RNGTT: variants seen among roughly 807,000 people sequenced by gnomAD.
The protein encoded by RNGTT is mRNA-capping enzyme.
In RNGTT, 33 loss-of-function variants were observed where a neutral mutation model predicts 79.3. That is an observed-to-expected ratio of 0.42 (90% CI 0.32 to 0.56). The LOEUF is 0.56. Ranked by LOEUF, RNGTT falls within the 20% of genes least tolerant of loss-of-function variation. The pLI, the probability that RNGTT is intolerant of heterozygous loss-of-function variation, is 0.17. For synonymous variants in RNGTT, 222 were observed against 235.9 expected, an observed-to-expected ratio of 0.94 and a Z score of 0.54; for missense variants, 497 against 739.1, an observed-to-expected ratio of 0.67 and a Z score of 3.80.
chr6:88,760,315 CAA>C, intron 13 of RNGTT, among the ~76,000 whole-genome samples: 1 of 152,262 alleles, frequency 6.6e-6, no homozygotes, highest in East Asian at 1.9e-4. Context: ...TACTAATACC[CAA>C]GAGATAACCA....
intron 4 of RNGTT, among the ~76,000 whole-genome samples, chr6:88,925,401 G>A (rs1368597272): frequency 6.6e-6 from 1 of 151,936 alleles, no homozygotes; most frequent in Non-Finnish European, 1.5e-5. Flanking sequence ...GACCAGCCTA[G>A]GCAACATGGT....
intron 14 of RNGTT, among the ~76,000 whole-genome samples, chr6:88,665,963 G>A (rs1264314923): frequency 1.3e-5 from 2 of 152,226 alleles, no homozygotes; most frequent in African/African-American, 2.4e-5. Flanking sequence ...ATCCGACAGC[G>A]GGAGTGCAGC....
intron 13 of RNGTT, among the ~76,000 whole-genome samples, chr6:88,761,607 A>AAACT (rs1200134111): frequency 1.3e-5 from 2 of 152,152 alleles, no homozygotes; most frequent in Non-Finnish European, 2.9e-5. Context: ...GTAAATCCAC[A>AAACT]GTTGGCAAAC....
chr6:88,791,304 A>T (rs1347191229), intron 12 of RNGTT, among the ~76,000 whole-genome samples: 1 of 151,792 alleles, frequency 6.6e-6, no homozygotes, highest in Admixed American at 6.6e-5. Context: ...TGCCTGGCTA[A>T]TTTTTTTCAT....
intron 6 of RNGTT, among the ~76,000 whole-genome samples, chr6:88,900,419 G>C (rs896705141): frequency 2.0e-5 from 3 of 152,126 alleles, no homozygotes; most frequent in Non-Finnish European, 2.9e-5. Context: ...GCTTAATGAG[G>C]ACATTAGTAA....
intron 8 of RNGTT, among the ~76,000 whole-genome samples, chr6:88,862,005 A>C (rs981996831): frequency 6.6e-6 from 1 of 152,194 alleles, no homozygotes; most frequent in African/African-American, 2.4e-5. Context: ...TTCCATAGAA[A>C]TACAATCTAA....
chr6:88,740,362 T>C (rs1777444632), intron 13 of RNGTT, among the ~76,000 whole-genome samples: 1 of 151,312 alleles, frequency 6.6e-6, no homozygotes, highest in Non-Finnish European at 1.5e-5. Context: ...TACAAAAAAT[T>C]AAAAAATTAG....
intron 8 of RNGTT, among the ~76,000 whole-genome samples, chr6:88,859,340 T>C (rs1394638803): frequency 1.3e-5 from 2 of 151,962 alleles, no homozygotes; most frequent in Admixed American, 6.6e-5. Flanking sequence ...GCTGAGAACA[T>C]AGAACAGGAA....
intron 14 of RNGTT, among the ~76,000 whole-genome samples, chr6:88,633,991 T>A (rs1274572738): frequency 6.6e-6 from 1 of 152,132 alleles, no homozygotes; most frequent in Non-Finnish European, 1.5e-5. Context: ...ATTCATCACA[T>A]ACCAATAATT....
intron 13 of RNGTT, among the ~76,000 whole-genome samples, chr6:88,718,259 T>A (rs1187890744): frequency 6.6e-6 from 1 of 151,916 alleles, no homozygotes; most frequent in South Asian, 2.1e-4. Context: ...TAGTGGCACA[T>A]GCCTGTAATC....
intron 13 of RNGTT, among the ~76,000 whole-genome samples, chr6:88,748,752 C>T (rs549623750): frequency 1.3e-5 from 2 of 150,762 alleles, no homozygotes; most frequent in South Asian, 2.1e-4. Flanking sequence ...AGTGAAATGC[C>T]GGAAGCAAAG....
At chr6:88,844,677 ATAAT>A (rs1781430917) in intron 10 of RNGTT, among the ~76,000 whole-genome samples, 156 bp from the exon 11 acceptor site, 1 of 152,238 alleles carries the variant, frequency 6.6e-6, no homozygotes, top group Non-Finnish European at 1.5e-5. Context: ...ACCAACCCTA[ATAAT>A]TAGTTTGACT....
chr6:88,942,935 A>G (rs752851096), intron 1 of RNGTT, among the ~76,000 whole-genome samples: 3 of 152,146 alleles, frequency 2.0e-5, no homozygotes, highest in Non-Finnish European at 4.4e-5. Flanking sequence ...ATACTATTAT[A>G]TCCTCCTGGT....
chr6:88,699,459 A>G (rs1044822347), intron 13 of RNGTT, among the ~76,000 whole-genome samples: 1 of 152,156 alleles, frequency 6.6e-6, no homozygotes, highest in Non-Finnish European at 1.5e-5. Flanking sequence ...CTGAATTAAG[A>G]AGATTGCTTG....
At chr6:88,800,270 CTTAACAGTTGAGCATCCCTAATACA>C in intron 12 of RNGTT, among the ~76,000 whole-genome samples, 1 of 152,150 alleles carries the variant, frequency 6.6e-6, no homozygotes, top group Non-Finnish European at 1.5e-5. Flanking sequence ...ATTATATATA[CTTAACAGTTGAGCATCCCTAATACA>C]AAAATCCAAA....
chr6:88,854,401 A>T (rs1781775113), intron 8 of RNGTT, among the ~76,000 whole-genome samples: 1 of 152,204 alleles, frequency 6.6e-6, no homozygotes, highest in South Asian at 2.1e-4. Context: ...AAGCCTTTCA[A>T]AGTTTACAAA....
At chr6:88,613,984 C>CTGT (rs1188306196) in intron 15 of RNGTT, among the ~76,000 whole-genome samples, 8 of 152,278 alleles carry the variant, frequency 5.3e-5, no homozygotes, top group South Asian at 2.1e-4. Context: ...ATCATGGTTT[C>CTGT]TGTTGTTGTT....
intron 14 of RNGTT, among the ~76,000 whole-genome samples, chr6:88,634,677 G>A (rs1773031227): frequency 6.6e-6 from 1 of 151,934 alleles, no homozygotes; most frequent in Non-Finnish European, 1.5e-5. Flanking sequence ...CAAATTCGGA[G>A]GTTCTTTTGA....
At chr6:88,931,459 G>A in intron 2 of RNGTT, among the ~76,000 whole-genome samples, 1 of 152,154 alleles carries the variant, frequency 6.6e-6, no homozygotes, top group East Asian at 1.9e-4. Context: ...AAAAGTGAGA[G>A]GGAGACTTCA....
Sources: allele counts gnomAD v4.1 joint callset (sites outside exome capture counted in the v4.1 genomes callset), GRCh38; gene constraint gnomAD v4.1.1; transcripts MANE v1.5; gene names NCBI Gene and HGNC (gene_info 2026-07-23, HGNC 2026-07-21).